Variants in ADAM29 observed in about 807,000 individuals in gnomAD.
ADAM29 encodes ADAM metallopeptidase domain 29.
For missense variants in ADAM29, 969 were observed against 1,001.8 expected (o/e 0.97, Z 0.44); for synonymous variants, 367 against 342.3 (o/e 1.07, Z -0.80).
At chr4:174,960,910 C>T (rs1301676837) in intron 4 of ADAM29, among the ~76,000 whole-genome samples, 1 of 152,086 alleles carries the variant, frequency 6.6e-6, no homozygotes, top group Non-Finnish European at 1.5e-5. Context: ...TCAAAAAGAG[C>T]CCAGTCTACC....
chr4:174,939,948 C>CCCTT (rs1744431205), intron 4 of ADAM29, among the ~76,000 whole-genome samples: 1 of 152,004 alleles, frequency 6.6e-6, no homozygotes. Context: ...TACCCTCCCT[C>CCCTT]CCTTCCTCTC....
chr4:174,926,303 T>A lies in ADAM29; in HGVS notation c.-450-4683T>A, dbSNP rs369999881. Among the ~76,000 whole-genome samples, 4 of 152,196 alleles carry A rather than the reference T, an allele frequency of 2.6e-5. No individual in the cohort carries two copies. The South Asian group carries it at 8.3e-4, about 32-fold the overall frequency. On this transcript the variant is annotated intron_variant, in intron 2 of 4. Coordinates refer to ENST00000359240, the MANE Select transcript of ADAM29 (RefSeq NM_014269.4). ...CTCAGACCACTTCCCTGCCTTCCGG[T>A]CATAAGCACACAAGTTTACTTAGCC...
chr4:174,964,558 T>C (rs1746042476), intron 4 of ADAM29, among the ~76,000 whole-genome samples: 1 of 152,016 alleles, frequency 6.6e-6, no homozygotes, highest in African/African-American at 2.4e-5. Context: ...AGGAAATTAG[T>C]ACAGATTCTT....
chr4:174,919,785 C>A (rs374145966), intron 1 of ADAM29, among the ~76,000 whole-genome samples: 2 of 152,150 alleles, frequency 1.3e-5, no homozygotes, highest in African/African-American at 4.8e-5. Flanking sequence ...TCAGTTACAG[C>A]GGCAAAACCC....
At chr4:174,955,429 T>C (rs887427076) in intron 4 of ADAM29, among the ~76,000 whole-genome samples, 3 of 152,088 alleles carry the variant, frequency 2.0e-5, no homozygotes, top group African/African-American at 7.2e-5. Flanking sequence ...ACAGTTATTA[T>C]ATAGCTGGAA....
chr4:174,933,941 GTTC>G (rs1744056996), intron 3 of ADAM29, among the ~76,000 whole-genome samples: 1 of 152,176 alleles, frequency 6.6e-6, no homozygotes, highest in South Asian at 2.1e-4. Context: ...GAACATAGGT[GTTC>G]TTGTGTCTTT....
Position 174,977,323 on chromosome 4 carries a change from G to T in ADAM29, c.1798G>T (p.Asp600Tyr). The change falls in exon 5 of 5, where the codon GAT becomes TAT. Residue 600 changes from aspartate (D) to tyrosine (Y), a missense_variant. Coordinates refer to ENST00000359240, the MANE Select transcript of ADAM29 (RefSeq NM_014269.4). ...GGGACCTGATATTGGTGAAGTGAAA[G>T]ATGGAACAGAGTGTGGGATAGATCA... ...MKGPDIGEVK[D>Y]GTECGIDHIC... 1 of 1,613,596 alleles carries T rather than the reference G, an allele frequency of 6.2e-7. No homozygotes were observed. The highest frequency in any genetic ancestry group is 8.5e-7 in the Non-Finnish European group (1 of 1,180,018).
chr4:174,918,567 T>C (rs982506368), intron 1 of ADAM29, 96 bp downstream of exon 1: 3 of 152,182 alleles, frequency 2.0e-5, no homozygotes, highest in Non-Finnish European at 2.9e-5. Context: ...AAACTGATTT[T>C]GTAATACTGT....
At chr4:174,951,554 A>G (rs1032340847) in intron 4 of ADAM29, among the ~76,000 whole-genome samples, 4 of 152,190 alleles carry the variant, frequency 2.6e-5, no homozygotes, top group Non-Finnish European at 5.9e-5. Flanking sequence ...ATTCCTATTT[A>G]GGTATGAAAT....
chr4:174,931,964 A>C (rs1743907546), intron 3 of ADAM29, among the ~76,000 whole-genome samples: 1 of 152,164 alleles, frequency 6.6e-6, no homozygotes, highest in African/African-American at 2.4e-5. Context: ...ATTGAAATGA[A>C]ATATTTTTCC....
In ADAM29 at chr4:174,970,162, A is replaced by G. The variant is rs9998757; in HGVS notation, c.-180-5184A>G. On this transcript the variant is annotated intron_variant, in intron 4 of 4. Transcript: ENST00000359240. ...GACAATAGGATTAGTTATTAAGAAG[A>G]TGAATACAATAAAGAGGATGAAGTG... Among the ~76,000 whole-genome samples, 885 of 152,044 alleles carry G rather than the reference A, an allele frequency of 5.8e-3. 4 individuals are homozygous for G. Among genetic ancestry groups the G allele is most frequent in the African/African-American group, 0.021 (858 of 41,332 alleles).
intron 4 of ADAM29, among the ~76,000 whole-genome samples, chr4:174,949,578 C>G (rs1404573580): frequency 2.0e-5 from 3 of 152,006 alleles, no homozygotes; most frequent in Non-Finnish European, 1.5e-5. Context: ...TCTCAGCTTT[C>G]TCCCCATTCA....
chr4:174,962,369 G>A (rs1745879360), intron 4 of ADAM29, among the ~76,000 whole-genome samples: 1 of 151,976 alleles, frequency 6.6e-6, no homozygotes, highest in African/African-American at 2.4e-5. Context: ...AAAATTAGCT[G>A]GGCGTGGTGG....
At chr4:174,942,873 T>C (rs1420000277) in intron 4 of ADAM29, among the ~76,000 whole-genome samples, 1 of 152,218 alleles carries the variant, frequency 6.6e-6, no homozygotes, top group Non-Finnish European at 1.5e-5. Context: ...TCTGCTTCCC[T>C]TTTAAAAATA....
intron 4 of ADAM29, among the ~76,000 whole-genome samples, chr4:174,941,441 A>G (rs576380977): frequency 6.6e-6 from 1 of 152,312 alleles, no homozygotes; most frequent in African/African-American, 2.4e-5. Context: ...TTATAAAGAA[A>G]CAGGTTTAAT....
intron 4 of ADAM29, among the ~76,000 whole-genome samples, chr4:174,937,808 C>T (rs1744287502): frequency 6.6e-6 from 1 of 151,990 alleles, no homozygotes; most frequent in Admixed American, 6.6e-5. Context: ...AGAAGGATCT[C>T]AGAATAGCAA....
chr4:174,935,442 T>C (rs55757094), intron 3 of ADAM29, among the ~76,000 whole-genome samples: 25,049 of 152,072 alleles, frequency 0.16, 2,409 homozygotes, highest in East Asian at 0.26. Flanking sequence ...CTCAGAGATC[T>C]TCATCAAGTT....
Position 174,939,350 on chromosome 4 carries a change from C to T in ADAM29, c.-181+2337C>T, listed in dbSNP as rs529796453. ...TCGGCTAAGAAGAGACTTTAATTAC[C>T]TCCTCCAGAAATCATCTAGAATAAG... On this transcript the variant is annotated intron_variant, in intron 4 of 4. Transcript: ENST00000359240. 6.6e-5 allele frequency among the ~76,000 whole-genome samples: 10 copies of T among 152,244 alleles called. No homozygotes were observed. The East Asian group carries it at 9.7e-4, about 15-fold the overall frequency.
intron 4 of ADAM29, among the ~76,000 whole-genome samples, chr4:174,968,690 T>C (rs1168621781): frequency 1.3e-5 from 2 of 152,114 alleles, no homozygotes; most frequent in Non-Finnish European, 2.9e-5. Context: ...AACTTTGTAC[T>C]TCTTTATAAA....
Sources: allele counts gnomAD v4.1 joint callset (sites outside exome capture counted in the v4.1 genomes callset), GRCh38; gene constraint gnomAD v4.1.1; transcripts MANE v1.5; gene names NCBI Gene and HGNC (gene_info 2026-07-23, HGNC 2026-07-21).